LTBP1: variants seen among roughly 807,000 people sequenced by gnomAD.
LTBP1 encodes the protein latent-transforming growth factor beta-binding protein 1.
In LTBP1, 129 loss-of-function variants were observed where a neutral mutation model predicts 207.6. That is an observed-to-expected ratio of 0.62 (90% CI 0.54 to 0.72). The LOEUF (loss-of-function observed/expected upper bound fraction) is 0.72. Ranked by LOEUF, LTBP1 falls within the 30% of genes least tolerant of loss-of-function variation. The probability of loss-of-function intolerance (pLI) is 0.00; values close to 1 mark genes in which losing one functional copy is unlikely to be tolerated. For synonymous variants in LTBP1, 963 were observed against 833.7 expected (o/e 1.16, Z -2.67); for missense variants, 2,281 against 2,217.2 (o/e 1.03, Z -0.58).
intron 2 of LTBP1, among the ~76,000 whole-genome samples, chr2:33,008,165 G>A (rs1314117598): frequency 6.6e-6 from 1 of 152,074 alleles, no homozygotes; most frequent in African/African-American, 2.4e-5. Context: ...ATTTTTGCCT[G>A]ATGAAAATAA....
At chr2:33,255,557 C>G (rs2092827701) in intron 11 of LTBP1, among the ~76,000 whole-genome samples, 1 of 152,188 alleles carries the variant, frequency 6.6e-6, no homozygotes, top group South Asian at 2.1e-4. Context: ...GCATTATTCA[C>G]AGTAGCAAAG....
intron 5 of LTBP1, among the ~76,000 whole-genome samples, chr2:33,178,225 G>T (rs2086259602): frequency 6.6e-6 from 1 of 152,188 alleles, no homozygotes; most frequent in African/African-American, 2.4e-5. Flanking sequence ...AGAGCCTTGA[G>T]GTTTAGGAAT....
intron 3 of LTBP1, among the ~76,000 whole-genome samples, chr2:33,022,506 C>T (rs2075225915): frequency 6.6e-6 from 1 of 152,130 alleles, no homozygotes; most frequent in African/African-American, 2.4e-5. Context: ...TGTTCACTTA[C>T]AGCTCACAAG....
At chr2:33,008,673 G>C (rs914167615) in intron 2 of LTBP1, among the ~76,000 whole-genome samples, 3 of 152,334 alleles carry the variant, frequency 2.0e-5, no homozygotes, top group Admixed American at 6.5e-5. Context: ...CTTTCTCCCT[G>C]TGGAGCTTAT....
At chr2:33,210,079 T>C (rs1036570763) in intron 7 of LTBP1, among the ~76,000 whole-genome samples, 1 of 152,248 alleles carries the variant, frequency 6.6e-6, no homozygotes, top group Non-Finnish European at 1.5e-5. Context: ...TGCTTTTCAC[T>C]GAGTTCAAGG....
At chr2:33,160,948 C>T (rs764585818) in intron 5 of LTBP1, among the ~76,000 whole-genome samples, 2 of 152,164 alleles carry the variant, frequency 1.3e-5, no homozygotes, top group African/African-American at 4.8e-5. Flanking sequence ...CAGCAGTTAT[C>T]TCAATGAAGA....
In LTBP1 at chr2:33,260,972, C is replaced by T. The variant is rs1314781556; in HGVS notation, c.2418+1362C>T. On this transcript the variant is annotated intron_variant, in intron 13 of 33. Coordinates refer to ENST00000404816, the MANE Select transcript of LTBP1 (RefSeq NM_206943.4). The stretch of plus-strand genomic sequence containing the variant: ...ATAGTACGAAAAATGCAATCATAGC[C>T]TTTGTTGTCTTGGTACTTAAAAAAG... Among the ~76,000 whole-genome samples the T allele has an allele frequency of 2.0e-5, 3 of 152,186 alleles. No individual in the cohort carries two copies. In the East Asian group the frequency reaches 5.8e-4, roughly 29 times the overall value.
intron 2 of LTBP1, among the ~76,000 whole-genome samples, chr2:32,987,419 T>G (rs75744988): frequency 0.1 from 15,943 of 152,064 alleles, 1,000 homozygotes; most frequent in Non-Finnish European, 0.14. Flanking sequence ...GGGCCAGCCT[T>G]TAGTCACTCT....
chr2:33,262,843 T>C, intron 14 of LTBP1, 22 bp downstream of exon 14: 1 of 1,527,778 alleles, frequency 6.5e-7, no homozygotes, highest in Non-Finnish European at 8.9e-7. Context: ...TGATCTGTGC[T>C]GTTTGTCAGA....
At position 33,222,057 on chromosome 2, in the gene LTBP1, A is replaced by G. The variant is rs1487868906; in HGVS notation, c.1805-23A>G. 4 of 1,573,658 alleles carry G rather than the reference A, an allele frequency of 2.5e-6. No homozygotes were observed. The South Asian group carries it at 3.3e-5, about 13-fold the overall frequency. On this transcript the variant is annotated intron_variant, in intron 8 of 33. Coordinates refer to ENST00000404816, the MANE Select transcript of LTBP1 (RefSeq NM_206943.4). ...AAGATTGTAAGAATTTAAGTATGTA[A>G]CAAAGCATTTCTTCCCTTACAGCTT... is the stretch of plus-strand genomic sequence containing the variant.
chr2:33,305,280 C>A (rs576461304), intron 22 of LTBP1, among the ~76,000 whole-genome samples: 1 of 152,120 alleles, frequency 6.6e-6, no homozygotes, highest in Non-Finnish European at 1.5e-5. Flanking sequence ...GCCAAGATCA[C>A]GCCATTGCAC....
intron 31 of LTBP1, among the ~76,000 whole-genome samples, chr2:33,366,545 G>A (rs1559075823): frequency 6.6e-6 from 1 of 152,192 alleles, no homozygotes; most frequent in Non-Finnish European, 1.5e-5. Flanking sequence ...AATACACAAA[G>A]CACTAGATGG....
chr2:33,260,666 G>A (rs895314842), intron 13 of LTBP1, among the ~76,000 whole-genome samples: 1 of 152,164 alleles, frequency 6.6e-6, no homozygotes, highest in African/African-American at 2.4e-5. Flanking sequence ...ACCAAAAAAT[G>A]TATAACAGAT....
chr2:33,181,994 G>C (rs745620619), intron 5 of LTBP1, among the ~76,000 whole-genome samples: 2 of 152,062 alleles, frequency 1.3e-5, no homozygotes, highest in Non-Finnish European at 2.9e-5. Context: ...TGCCACAAAG[G>C]GTTCAATACA....
intron 2 of LTBP1, among the ~76,000 whole-genome samples, chr2:32,966,713 A>G (rs1680061573): frequency 6.6e-6 from 1 of 152,150 alleles, no homozygotes; most frequent in Non-Finnish European, 1.5e-5. Context: ...AAACTTGCAT[A>G]CCTGGGATAA....
At chr2:33,189,646 T>C (rs562752402) in intron 7 of LTBP1, among the ~76,000 whole-genome samples, 1 of 152,380 alleles carries the variant, frequency 6.6e-6, no homozygotes, top group East Asian at 1.9e-4. Flanking sequence ...GCAGTAGTTT[T>C]GTTCATGAGT....
At chr2:33,344,109 TTAA>T (rs1456046869) in intron 25 of LTBP1, among the ~76,000 whole-genome samples, 1 of 152,222 alleles carries the variant, frequency 6.6e-6, no homozygotes, top group Non-Finnish European at 1.5e-5. Flanking sequence ...ATAATGTCAC[TTAA>T]TAACTGCTTT....
chr2:33,300,564 C>A lies in LTBP1; in HGVS notation c.3349C>A (p.Gln1117Lys), dbSNP rs147838037. The A allele has an allele frequency of 1.3e-4, 205 of 1,613,110 alleles. 1 individual carries two copies. In the African/African-American group the frequency reaches 2.6e-3, roughly 20 times the overall value. The change falls in exon 21 of 34, where the codon CAG becomes AAG. Residue 1117 changes from glutamine (Q) to lysine (K), a missense_variant. Transcript: ENST00000404816. The part of the protein sequence containing the change: ...QGYQLSAAKD[Q>K]CEDIDECQHR... ...GTACCAGCTGTCGGCAGCTAAAGAC[C>A]AGTGTGAAGGTAAGAGGGTAGTAAC...
In LTBP1 at chr2:33,066,609, C is replaced by G. The variant is rs142030666; in HGVS notation, c.864-43973C>G. 1.3e-3 allele frequency among the ~76,000 whole-genome samples: 202 copies of G among 152,290 alleles called. 5 individuals carry two copies. In the East Asian group the frequency reaches 0.037, roughly 28 times the overall value. On this transcript the variant is annotated intron_variant, in intron 3 of 33. Transcript: ENST00000404816. ...TGTTTATTATGTAATGAGACTGTAA[C>G]TGTGCTAAAAGAATATACGGTATGC...
Sources: gnomAD v4.1 joint callset for allele counts (sites outside exome capture counted in the v4.1 genomes callset) on GRCh38, gnomAD v4.1.1 for gene constraint, MANE v1.5 for transcripts, NCBI Gene and HGNC (gene_info 2026-07-23, HGNC 2026-07-21) for gene names.